Variants in PARN observed in about 807,000 individuals in gnomAD.
The protein encoded by PARN is poly(A)-specific ribonuclease, also known as poly(A)-specific ribonuclease PARN.
Under a neutral mutation model 102.8 loss-of-function variants are expected in PARN, and 71 were observed. That is an observed-to-expected ratio of 0.69 (90% CI 0.57 to 0.84). The LOEUF is 0.84. Ranked by LOEUF, PARN falls within the 40% of genes least tolerant of loss-of-function variation. The pLI is 0.00. For synonymous variants in PARN, 261 were observed against 252.9 expected (o/e 1.03, Z -0.30); for missense variants, 782 against 760.9 (o/e 1.03, Z -0.33).
chr16:14,468,837 T>A (rs367860743), intron 22 of PARN, among the ~76,000 whole-genome samples: 1 of 149,762 alleles, frequency 6.7e-6, no homozygotes, highest in Admixed American at 6.7e-5. Flanking sequence ...AGCCCAGGAA[T>A]AGGAGACCAG....
intron 21 of PARN, among the ~76,000 whole-genome samples, chr16:14,533,991 G>C (rs1409146575): frequency 6.6e-6 from 1 of 152,158 alleles, no homozygotes; most frequent in Non-Finnish European, 1.5e-5. Flanking sequence ...GGAGGCTGAG[G>C]CAGGCAAACT....
At chr16:14,592,368 T>C (rs957921185) in intron 13 of PARN, among the ~76,000 whole-genome samples, 3 of 152,112 alleles carry the variant, frequency 2.0e-5, no homozygotes, top group African/African-American at 7.2e-5. Flanking sequence ...GATAAAGATG[T>C]TGGTGTCTAC....
In PARN at chr16:14,582,385, T is replaced by C. The variant is rs921533272; in HGVS notation, c.1082-94A>G. ...ATTGCATTAGCATATGCTAGAGAAA[T>C]ACCCTAAATAGGCAGAAAAAAGCTA... On this transcript the variant is annotated intron_variant, in intron 16 of 23. Transcript: ENST00000437198. 7.6e-6 allele frequency: 6 copies of C among 790,544 alleles called. No homozygotes were observed. In the East Asian group the frequency reaches 1.2e-4, roughly 16 times the overall value. The allele number at this position is 790,544 out of a possible 1,614,324, so 49.0% of individuals were successfully genotyped here.
intron 13 of PARN, 113 bp from the exon 14 acceptor site, chr16:14,586,474 C>T (rs1250837341): frequency 4.7e-6 from 3 of 643,782 alleles, no homozygotes. Flanking sequence ...TGTTGGGGCC[C>T]TTAAGCTAAA....
rs772743842 is a variant in PARN, at chr16:14,593,385, A to T, written c.841-7T>A. The T allele has an allele frequency of 6.5e-7, 1 of 1,543,316 alleles. No homozygotes were observed. On this transcript the variant is annotated splice_region_variant and splice_polypyrimidine_tract_variant and intron_variant, in intron 12 of 23. Transcript: ENST00000437198. ...GTCCAATAACAAGTTTTCCCTAAAG[A>T]AAGTCAAGGTTAGAAAAAAGACTTC...
At chr16:14,576,944 T>C (rs747624536) in intron 18 of PARN, among the ~76,000 whole-genome samples, 1 of 152,242 alleles carries the variant, frequency 6.6e-6, no homozygotes, top group African/African-American at 2.4e-5. Context: ...GTCTCAGGAT[T>C]TCCTCAATAG....
At chr16:14,571,931 TC>T (rs2151735598) in intron 18 of PARN, among the ~76,000 whole-genome samples, 1 of 152,320 alleles carries the variant, frequency 6.6e-6, no homozygotes, top group South Asian at 2.1e-4. Context: ...GAGAAATCAA[TC>T]AAACGGCTTT....
chr16:14,484,587 G>A (rs1349018960), intron 21 of PARN, among the ~76,000 whole-genome samples: 1 of 152,174 alleles, frequency 6.6e-6, no homozygotes, highest in East Asian at 1.9e-4. Context: ...ATGCAGTGCT[G>A]GTGACGAGCA....
chr16:14,561,464 AT>A (rs1359526961), intron 18 of PARN, among the ~76,000 whole-genome samples: 1 of 152,222 alleles, frequency 6.6e-6, no homozygotes, highest in Non-Finnish European at 1.5e-5. Context: ...TGATGCAGCA[AT>A]CAGCTGGATA....
intron 18 of PARN, among the ~76,000 whole-genome samples, chr16:14,571,994 G>A (rs993428793): frequency 2.0e-5 from 3 of 152,158 alleles, no homozygotes; most frequent in African/African-American, 7.2e-5. Flanking sequence ...TTGTGACACT[G>A]ACAGCTATAT....
At chr16:14,459,568 A>G (rs921491912) in intron 22 of PARN, among the ~76,000 whole-genome samples, 1 of 152,224 alleles carries the variant, frequency 6.6e-6, no homozygotes, top group Non-Finnish European at 1.5e-5. Context: ...GGAAGACTCA[A>G]TGTAGTTAAG....
chr16:14,473,487 A>C (rs1009982185), intron 22 of PARN, among the ~76,000 whole-genome samples: 4 of 152,234 alleles, frequency 2.6e-5, no homozygotes, highest in African/African-American at 7.2e-5. Context: ...AATTGTAAAA[A>C]TATAATTTGG....
intron 23 of PARN, among the ~76,000 whole-genome samples, chr16:14,442,745 G>T (rs962571295): frequency 1.3e-5 from 2 of 152,256 alleles, no homozygotes; most frequent in Admixed American, 1.3e-4. Flanking sequence ...AGCCTCCCAA[G>T]TAGCTGGGAG....
At chr16:14,601,347 G>C (rs1488228070) in intron 11 of PARN, among the ~76,000 whole-genome samples, 3 of 152,172 alleles carry the variant, frequency 2.0e-5, no homozygotes, top group African/African-American at 7.2e-5. Flanking sequence ...AGAGAAATAA[G>C]CCAGTCACAG....
chr16:14,604,641 A>G (rs1437449647), intron 10 of PARN, among the ~76,000 whole-genome samples: 2 of 151,846 alleles, frequency 1.3e-5, no homozygotes. Flanking sequence ...TTTTTGAGAC[A>G]GTCTCACTCT....
chr16:14,622,862 G>A (rs180767548), intron 5 of PARN, among the ~76,000 whole-genome samples: 1 of 152,262 alleles, frequency 6.6e-6, no homozygotes, highest in East Asian at 1.9e-4. Context: ...CCAGCACTTT[G>A]GGAAGCCAAA....
intron 5 of PARN, among the ~76,000 whole-genome samples, chr16:14,622,030 TAAAAATACA>T (rs1972336343): frequency 6.6e-6 from 1 of 151,516 alleles, no homozygotes; most frequent in Non-Finnish European, 1.5e-5. Context: ...CTGTCCCTAC[TAAAAATACA>T]AAAATTAGCC....
intron 22 of PARN, among the ~76,000 whole-genome samples, chr16:14,468,802 G>A (rs991877407): frequency 1.3e-5 from 2 of 152,002 alleles, no homozygotes; most frequent in African/African-American, 4.8e-5. Context: ...AGCTGCTTGG[G>A]AGGCTGAGGT....
Position 14,587,056 on chromosome 16 carries a change from G to T in PARN, c.919-695C>A, listed in dbSNP as rs560293556. 2.6e-5 allele frequency among the ~76,000 whole-genome samples: 4 copies of T among 152,310 alleles called. No homozygotes were observed. In the East Asian group the frequency reaches 7.7e-4, roughly 29 times the overall value. The stretch of plus-strand genomic sequence containing the variant: ...ACATACATAATTGCCATGCTAGACT[G>T]AGTAGTCATACTCCTGACTCTTTGT... On this transcript the variant is annotated intron_variant, in intron 13 of 23. Transcript: ENST00000437198.
Sources: allele counts gnomAD v4.1 joint callset (sites outside exome capture counted in the v4.1 genomes callset), GRCh38; gene constraint gnomAD v4.1.1; transcripts MANE v1.5; gene names NCBI Gene and HGNC (gene_info 2026-07-23, HGNC 2026-07-21).